The following KIFAP3 variants were observed in gnomAD, a reference collection of about 807,000 sequenced individuals.
KIFAP3 encodes the protein kinesin associated protein 3, also known as kinesin-associated protein 3.
Under a neutral mutation model 106.5 loss-of-function variants are expected in KIFAP3, and 68 were observed. The observed-to-expected ratio is 0.64, with a 90% CI of 0.53 to 0.78. The LOEUF is 0.78. Among genes scored for constraint, KIFAP3 ranks in the 30% least tolerant of loss-of-function variants. KIFAP3 has a pLI of 0.00. For missense variants in KIFAP3, 780 were observed against 941.8 expected (o/e 0.83, Z 2.25); for synonymous variants, 320 against 311.5 (o/e 1.03, Z -0.29).
In KIFAP3 at chr1:169,961,834, T is replaced by C. The variant is rs141125702; in HGVS notation, c.1984-599A>G. On this transcript the variant is annotated intron_variant, in intron 17 of 19. Transcript: ENST00000361580. ...ATTATTGTAAGAATACAGTATATAATACATATACAAAATATGTGTTAATCA... is the reference window on the plus strand; with the variant it reads ...ATTATTGTAAGAATACAGTATATAACACATATACAAAATATGTGTTAATCA... Among the ~76,000 whole-genome samples, 365 of 152,330 alleles carry C rather than the reference T, an allele frequency of 2.4e-3. 1 individual carries two copies. The highest frequency in any genetic ancestry group is 8.5e-3 in the African/African-American group (353 of 41,580).
intron 1 of KIFAP3, among the ~76,000 whole-genome samples, chr1:170,074,207 T>C (rs1182131719): frequency 6.6e-6 from 1 of 152,128 alleles, no homozygotes; most frequent in Non-Finnish European, 1.5e-5. Flanking sequence ...AGAAACCATC[T>C]TTCAATGCTG....
rs1320835280 is a variant in KIFAP3, at chr1:169,982,048, A to C, written c.1722T>G (p.Thr574=). 6.2e-7 allele frequency: 1 copy of C among 1,613,278 alleles called. No individual in the cohort carries two copies. Among genetic ancestry groups the C allele is most frequent in the Non-Finnish European group, 8.5e-7 (1 of 1,179,398 alleles). The change falls in exon 15 of 20, where the codon ACT becomes ACG. Residue 574 remains threonine (T), a synonymous_variant. Transcript: ENST00000361580. The part of the protein sequence containing the change: ...LVLEVVIMIG[T]VSMDDSCAAL... ...CAGCACAAGAGTCATCCATGGATAC[A>C]GTTCCAATCATTATAACCACTTCTA...
chr1:170,000,182 T>C (rs1245098344), intron 10 of KIFAP3, among the ~76,000 whole-genome samples: 6 of 152,122 alleles, frequency 3.9e-5, no homozygotes, highest in Non-Finnish European at 8.8e-5. Flanking sequence ...AAGCCAAATT[T>C]CCGCTTCTGC....
intron 10 of KIFAP3, among the ~76,000 whole-genome samples, chr1:170,006,018 T>C (rs533145184): frequency 6.6e-6 from 1 of 152,314 alleles, no homozygotes; most frequent in South Asian, 2.1e-4. Context: ...CTAACATTTG[T>C]ATACGACTTT....
rs573668197 is a variant in KIFAP3, at chr1:170,012,495, G to A, written c.1183+3967C>T. On this transcript the variant is annotated intron_variant, in intron 10 of 19. Coordinates refer to ENST00000361580, the MANE Select transcript of KIFAP3 (RefSeq NM_014970.4). ...CACTAAAATTTAAAATTACGTTCAAGATATTAAAGTAAATTTAAGAAAATA... is the reference window on the plus strand; with the variant it reads ...CACTAAAATTTAAAATTACGTTCAAAATATTAAAGTAAATTTAAGAAAATA... Among the ~76,000 whole-genome samples, 42 of 152,130 alleles carry A rather than the reference G, an allele frequency of 2.8e-4. No homozygotes were observed. The South Asian group carries it at 7.7e-3, about 28-fold the overall frequency.
intron 3 of KIFAP3, among the ~76,000 whole-genome samples, chr1:170,041,192 G>C (rs2102069077): frequency 6.6e-6 from 1 of 152,244 alleles, no homozygotes; most frequent in African/African-American, 2.4e-5. Flanking sequence ...ATCTATGTTA[G>C]ATACTGTATT....
At chr1:170,074,724 G>C, upstream of KIFAP3, 5 of 1,370,052 alleles carry the variant, frequency 3.6e-6, no homozygotes, top group Non-Finnish European at 4.7e-6. Context: ...GCATGCGCTT[G>C]CTCTGCACCT....
At chr1:169,945,294 C>A (rs113186750) in intron 19 of KIFAP3, among the ~76,000 whole-genome samples, 3,254 of 152,278 alleles carry the variant, frequency 0.021, 123 homozygotes, top group African/African-American at 0.071. Flanking sequence ...CAGGCACTTC[C>A]GAACCTGCAG....
chr1:170,036,919 G>A (rs903809590), intron 5 of KIFAP3, among the ~76,000 whole-genome samples: 1 of 152,160 alleles, frequency 6.6e-6, no homozygotes, highest in African/African-American at 2.4e-5. Flanking sequence ...TACATTGAAT[G>A]CAATCATAAT....
At chr1:169,980,054 A>T (rs1374451170) in intron 15 of KIFAP3, among the ~76,000 whole-genome samples, 5 of 152,144 alleles carry the variant, frequency 3.3e-5, no homozygotes, top group Non-Finnish European at 5.9e-5. Flanking sequence ...AAGCAACACT[A>T]ATCTAGTGGT....
rs563888774 is a variant in KIFAP3 at position 170,074,299 on chromosome 1, T to C, written c.32+137A>G. The C allele has an allele frequency of 3.2e-5, 33 of 1,037,616 alleles. No homozygotes were observed. The South Asian group carries it at 4.7e-4, about 15-fold the overall frequency. The allele number at this position is 1,037,616 out of a possible 1,614,324, so 64.3% of individuals were successfully genotyped here. ...TTTTCTCCACTTCACCTTTTCCCTC[T>C]CCTTTCGGTGACTTCTCTCCCTGCT... On this transcript the variant is annotated intron_variant, in intron 1 of 19. Coordinates refer to ENST00000361580, the MANE Select transcript of KIFAP3 (RefSeq NM_014970.4).
chr1:170,074,763 G>C (rs522444), upstream of KIFAP3: 904,964 of 1,249,850 alleles, frequency 0.72, 330,385 homozygotes, highest in East Asian at 1. Flanking sequence ...GTCTGAGGCG[G>C]TGGCCTCAGA....
At chr1:170,081,547 C>T (rs1672020757) in intron 1 of KIFAP3, among the ~76,000 whole-genome samples, 1 of 152,194 alleles carries the variant, frequency 6.6e-6, no homozygotes, top group South Asian at 2.1e-4. Context: ...CCATTTTCAG[C>T]TGTTACAGGC....
At chr1:170,034,961 A>G (rs1433817499) in intron 6 of KIFAP3, among the ~76,000 whole-genome samples, 2 of 151,966 alleles carry the variant, frequency 1.3e-5, no homozygotes, top group Non-Finnish European at 2.9e-5. Flanking sequence ...ATACTAGCAC[A>G]TTTTTAGAAC....
At chr1:169,964,955 AAG>A (rs1241914055) in intron 17 of KIFAP3, among the ~76,000 whole-genome samples, 4 of 152,178 alleles carry the variant, frequency 2.6e-5, no homozygotes, top group Admixed American at 6.6e-5. Flanking sequence ...ATAATTTACA[AAG>A]AGTGATCACA....
chr1:170,041,662 C>G (rs1000351032), intron 3 of KIFAP3: 1 of 1,530,558 alleles, frequency 6.5e-7, no homozygotes, highest in Non-Finnish European at 8.8e-7. Context: ...CCCTTGCCAG[C>G]AAGGCATTAC....
At chr1:170,061,928 C>T (rs1357226406) in intron 1 of KIFAP3, among the ~76,000 whole-genome samples, 1 of 152,100 alleles carries the variant, frequency 6.6e-6, no homozygotes, top group Non-Finnish European at 1.5e-5. Flanking sequence ...AAGCCAAATA[C>T]CGCATGTTCT....
upstream of KIFAP3, among the ~76,000 whole-genome samples, chr1:170,075,120 A>AAAAC (rs374280684): frequency 5.6e-4 from 85 of 152,240 alleles, no homozygotes; most frequent in Admixed American, 2.7e-3. Context: ...TCCCCCAACC[A>AAAAC]AAACAAACAA....
chr1:169,979,136 T>C (rs539794112), intron 15 of KIFAP3, among the ~76,000 whole-genome samples: 4 of 152,138 alleles, frequency 2.6e-5, no homozygotes, highest in African/African-American at 7.2e-5. Context: ...GATCACTTTA[T>C]GAATATCTTA....
Sources: allele counts gnomAD v4.1 joint callset (sites outside exome capture counted in the v4.1 genomes callset), GRCh38; gene constraint gnomAD v4.1.1; transcripts MANE v1.5; gene names NCBI Gene and HGNC (gene_info 2026-07-23, HGNC 2026-07-21).